ULK4: variants seen among roughly 807,000 people sequenced by gnomAD.
ULK4 encodes inactive serine/threonine-protein kinase ULK4.
Under a neutral mutation model 160.6 loss-of-function variants are expected in ULK4, and 133 were observed. The ratio of observed to expected loss-of-function variants is 0.83; its 90% CI spans 0.72 to 0.96. ULK4 has a LOEUF of 0.96. Ranked by LOEUF, ULK4 falls within the 40% of genes least tolerant of loss-of-function variation. The pLI is 0.00. For synonymous variants in ULK4, 534 were observed against 539.8 expected, an observed-to-expected ratio of 0.99 and a Z score of 0.15; for missense variants, 1,580 against 1,499.5, an observed-to-expected ratio of 1.05 and a Z score of -0.89.
At chr3:41,554,507 T>C (rs1035893542) in intron 32 of ULK4, among the ~76,000 whole-genome samples, 3 of 152,044 alleles carry the variant, frequency 2.0e-5, no homozygotes, top group Non-Finnish European at 4.4e-5. Flanking sequence ...AAAAAGTTGA[T>C]CTCATGTAGG....
At chr3:41,526,521 G>A (rs1394972348) in intron 32 of ULK4, among the ~76,000 whole-genome samples, 1 of 152,172 alleles carries the variant, frequency 6.6e-6, no homozygotes, top group Non-Finnish European at 1.5e-5. Context: ...TGGTCTATCA[G>A]CATGGTCTCT....
At chr3:41,700,965 C>A (rs190058681) in intron 27 of ULK4, among the ~76,000 whole-genome samples, 17 of 151,728 alleles carry the variant, frequency 1.1e-4, no homozygotes, top group African/African-American at 4.1e-4. Context: ...AGAAACTCAA[C>A]GTGCTATATG....
At chr3:41,270,060 CAT>C (rs2079113521) in intron 35 of ULK4, among the ~76,000 whole-genome samples, 1 of 152,024 alleles carries the variant, frequency 6.6e-6, no homozygotes, top group South Asian at 2.1e-4. Context: ...CATAAACAGA[CAT>C]ATACAGCCTA....
chr3:41,668,508 G>C (rs1279127664), intron 29 of ULK4, among the ~76,000 whole-genome samples: 1 of 152,150 alleles, frequency 6.6e-6, no homozygotes, highest in Non-Finnish European at 1.5e-5. Context: ...TGCAGCCTGG[G>C]AGCAACAGGC....
At chr3:41,336,686 A>G (rs1188010793) in intron 35 of ULK4, among the ~76,000 whole-genome samples, 1 of 152,174 alleles carries the variant, frequency 6.6e-6, no homozygotes, top group Non-Finnish European at 1.5e-5. Flanking sequence ...CCATACCACT[A>G]ACTCTCTTGG....
At chr3:41,635,305 TATC>T (rs2033905281) in intron 30 of ULK4, among the ~76,000 whole-genome samples, 1 of 151,582 alleles carries the variant, frequency 6.6e-6, no homozygotes, top group Non-Finnish European at 1.5e-5. Flanking sequence ...GATTATGGAT[TATC>T]ATTCACACTA....
At chr3:41,488,369 C>T (rs1299101361) in intron 32 of ULK4, among the ~76,000 whole-genome samples, 1 of 152,122 alleles carries the variant, frequency 6.6e-6, no homozygotes, top group African/African-American at 2.4e-5. Context: ...TAGGCATGAA[C>T]CCAGGAAAGC....
At chr3:41,585,753 T>C (rs559573928) in intron 31 of ULK4, among the ~76,000 whole-genome samples, 15 of 152,222 alleles carry the variant, frequency 9.9e-5, no homozygotes, top group East Asian at 5.8e-4. Context: ...GAGAGAAAAT[T>C]TGTGCAAATC....
At chr3:41,475,436 A>G (rs758019371) in intron 32 of ULK4, among the ~76,000 whole-genome samples, 4 of 152,178 alleles carry the variant, frequency 2.6e-5, no homozygotes, top group Non-Finnish European at 5.9e-5. Context: ...CAGCATGGTG[A>G]ATATAGTAAT....
intron 32 of ULK4, among the ~76,000 whole-genome samples, chr3:41,490,150 T>C (rs1028027813): frequency 1.3e-5 from 2 of 152,192 alleles, no homozygotes; most frequent in African/African-American, 4.8e-5. Context: ...TTCATCACTA[T>C]ATATGTAGCT....
chr3:41,685,363 C>G (rs1385535974), intron 27 of ULK4, among the ~76,000 whole-genome samples: 1 of 152,178 alleles, frequency 6.6e-6, no homozygotes, highest in African/African-American at 2.4e-5. Context: ...AGCTCACCCT[C>G]ACCAGAGCAT....
intron 31 of ULK4, among the ~76,000 whole-genome samples, chr3:41,613,182 T>G (rs555311069): frequency 6.6e-6 from 1 of 152,092 alleles, no homozygotes; most frequent in African/African-American, 2.4e-5. Context: ...CCAAACCAAA[T>G]TGAAATATAT....
intron 31 of ULK4, among the ~76,000 whole-genome samples, chr3:41,579,485 ATTTTTTTTTTTT>A (rs59650826): frequency 1.2e-5 from 1 of 85,180 alleles, no homozygotes; most frequent in Non-Finnish European, 2.3e-5. Flanking sequence ...TGGAACTAAT[ATTTTTTTTTTTT>A]TTTTTTTTTT....
At chr3:41,251,796 G>C (rs2078747643) in intron 35 of ULK4, among the ~76,000 whole-genome samples, 1 of 152,182 alleles carries the variant, frequency 6.6e-6, no homozygotes, top group South Asian at 2.1e-4. Context: ...CCTGGATGTT[G>C]CATAATCATG....
chr3:41,481,826 C>CAAA (rs71616009), intron 32 of ULK4, among the ~76,000 whole-genome samples: 50 of 66,750 alleles, frequency 7.5e-4, no homozygotes, highest in Middle Eastern at 8.5e-3. Flanking sequence ...GACTCCGTCT[C>CAAA]AAAAAAAAAA....
chr3:41,799,363 G>C (rs1210168185), intron 20 of ULK4, among the ~76,000 whole-genome samples: 1 of 152,146 alleles, frequency 6.6e-6, no homozygotes, highest in Non-Finnish European at 1.5e-5. Flanking sequence ...TGTGAGTAAA[G>C]TAGTAGGCAA....
intron 12 of ULK4, among the ~76,000 whole-genome samples, chr3:41,906,423 G>A (rs1037321066): frequency 6.6e-6 from 1 of 152,006 alleles, no homozygotes; most frequent in African/African-American, 2.4e-5. Context: ...CAGGTACTTG[G>A]CAGACTAAGG....
At chr3:41,521,446 C>CAAAAA (rs2085930029) in intron 32 of ULK4, among the ~76,000 whole-genome samples, 2 of 151,572 alleles carry the variant, frequency 1.3e-5, no homozygotes, top group Non-Finnish European at 2.9e-5. Flanking sequence ...TCAAATTCTT[C>CAAAAA]AATTCCTCTT....
intron 34 of ULK4, among the ~76,000 whole-genome samples, chr3:41,408,283 C>A (rs1210833026): frequency 6.6e-6 from 1 of 151,568 alleles, no homozygotes; most frequent in Non-Finnish European, 1.5e-5. Context: ...AAAAAATTAG[C>A]TGGGCATGGT....
Sources: gnomAD v4.1 joint callset for allele counts (sites outside exome capture counted in the v4.1 genomes callset) on GRCh38, gnomAD v4.1.1 for gene constraint, MANE v1.5 for transcripts, NCBI Gene and HGNC (gene_info 2026-07-23, HGNC 2026-07-21) for gene names.